Variants in KIAA0319L observed in about 807,000 individuals in gnomAD.
KIAA0319L encodes the protein KIAA0319 like, also known as dyslexia-associated protein KIAA0319-like protein.
In KIAA0319L, 55 loss-of-function variants were observed where a neutral mutation model predicts 120.1. That is an observed-to-expected ratio of 0.46 (90% CI 0.37 to 0.57). The LOEUF is 0.57. Among genes scored for constraint, KIAA0319L ranks in the 20% least tolerant of loss-of-function variants. The pLI is 0.00. For missense variants in KIAA0319L, 1,049 were observed against 1,255.3 expected (o/e 0.84, Z 2.48); for synonymous variants, 398 against 471.9 (o/e 0.84, Z 2.03).
intron 4 of KIAA0319L, among the ~76,000 whole-genome samples, chr1:35,476,495 C>T (rs760727464): frequency 2.0e-5 from 3 of 152,172 alleles, no homozygotes; most frequent in Non-Finnish European, 4.4e-5. Context: ...TTATCCGCCT[C>T]TGCATGGGAA....
At chr1:35,547,219 T>A (rs1385301013) in intron 2 of KIAA0319L, among the ~76,000 whole-genome samples, 1 of 147,542 alleles carries the variant, frequency 6.8e-6, no homozygotes, top group African/African-American at 2.5e-5. Flanking sequence ...TCCATTTATA[T>A]ATAAATTTAT....
chr1:35,546,967 AAT>A (rs1202281319), intron 2 of KIAA0319L, among the ~76,000 whole-genome samples: 1 of 148,508 alleles, frequency 6.7e-6, no homozygotes, highest in African/African-American at 2.4e-5. Flanking sequence ...CCTATATATA[AAT>A]ATATATATAA....
intron 3 of KIAA0319L, among the ~76,000 whole-genome samples, chr1:35,498,989 T>C (rs975031648): frequency 2.6e-5 from 4 of 152,190 alleles, no homozygotes. Context: ...CACATCCCAA[T>C]TCTCAGCAAC....
rs192096276 is a variant in KIAA0319L at position 35,541,433 on chromosome 1, T to A, written c.142+12917A>T. Among the ~76,000 whole-genome samples the A allele has an allele frequency of 2.7e-3, 365 of 133,452 alleles. 2 individuals carry two copies. The highest frequency in any genetic ancestry group is 9.1e-3 in the African/African-American group (324 of 35,518). 87.5% of individuals were successfully genotyped at this position (133,452 alleles called of 152,430 possible). On this transcript the variant is annotated intron_variant, in intron 2 of 20. Coordinates refer to ENST00000325722, the MANE Select transcript of KIAA0319L (RefSeq NM_024874.5). ...GGTGCAATCTCAGCTCACCGCAACC[T>A]CTCCCTCCTGGGTTCAAGTGATTCT...
chr1:35,487,067 TG>T (rs1249497833), intron 3 of KIAA0319L, among the ~76,000 whole-genome samples: 1 of 152,176 alleles, frequency 6.6e-6, no homozygotes, highest in Non-Finnish European at 1.5e-5. Context: ...TTCCTGTTCC[TG>T]TGCATGTCTG....
rs1013196998 is a variant in KIAA0319L at position 35,453,582 on chromosome 1, T to C, written c.1888A>G (p.Ile630Val). The change falls in exon 12 of 21, where the codon ATC becomes GTC. Residue 630 changes from isoleucine (I) to valine (V), a missense_variant. Coordinates refer to ENST00000325722, the MANE Select transcript of KIAA0319L (RefSeq NM_024874.5). This position sits in a 1 kb window ranked among gnomAD's most constrained non-coding sequence, Gnocchi z 4.1. ...TGTGTTTTTTCCCAGAGATATGAGA[T>C]AATTTTCTGATCATCTGAGCTCTTG... Reference protein sequence around the residue: ...GSKSSDDQKIISYLWEKTQGP... With the variant: ...GSKSSDDQKIVSYLWEKTQGP... 3.1e-6 allele frequency: 5 copies of C among 1,614,110 alleles called. No homozygotes were observed. In the East Asian group the frequency reaches 8.9e-5, roughly 29 times the overall value.
chr1:35,487,504 C>T (rs1410298149), intron 3 of KIAA0319L, among the ~76,000 whole-genome samples: 1 of 152,214 alleles, frequency 6.6e-6, no homozygotes, highest in African/African-American at 2.4e-5. Flanking sequence ...ATCCACCTGC[C>T]TTGGCCTCCC....
At chr1:35,500,938 C>T (rs1354339049) in intron 3 of KIAA0319L, among the ~76,000 whole-genome samples, 2 of 151,986 alleles carry the variant, frequency 1.3e-5, no homozygotes, top group East Asian at 1.9e-4. Flanking sequence ...TCACTTTGCC[C>T]CATTTTTTTT....
chr1:35,487,179 A>G (rs930521678), intron 3 of KIAA0319L, among the ~76,000 whole-genome samples: 8 of 152,156 alleles, frequency 5.3e-5, no homozygotes, highest in African/African-American at 1.9e-4. Context: ...CTAGTAGACA[A>G]ATAACCTCCC....
intron 2 of KIAA0319L, among the ~76,000 whole-genome samples, chr1:35,538,590 CAAA>C (rs757522421): frequency 7.2e-4 from 23 of 31,932 alleles, no homozygotes; most frequent in African/African-American, 1.6e-3. Flanking sequence ...AACTCTGTCT[CAAA>C]AAAAAAAAAA....
chr1:35,511,701 GA>G (rs1172920812), intron 2 of KIAA0319L, among the ~76,000 whole-genome samples: 1 of 152,180 alleles, frequency 6.6e-6, no homozygotes, highest in Non-Finnish European at 1.5e-5. Context: ...CCGCTATCTA[GA>G]AGCCTTCTCA....
At chr1:35,487,164 T>C (rs1343718953) in intron 3 of KIAA0319L, among the ~76,000 whole-genome samples, 1 of 151,918 alleles carries the variant, frequency 6.6e-6, no homozygotes, top group African/African-American at 2.4e-5. Context: ...CTGGGGGAGG[T>C]TTTCCTAGTA....
At chr1:35,475,225 C>G (rs774452760) in intron 4 of KIAA0319L, among the ~76,000 whole-genome samples, 7 of 152,160 alleles carry the variant, frequency 4.6e-5, no homozygotes, top group Non-Finnish European at 8.8e-5. Context: ...CCATATTATT[C>G]TATTTTTCCT....
chr1:35,448,611 G>A (rs1641819450), intron 15 of KIAA0319L, among the ~76,000 whole-genome samples: 1 of 152,198 alleles, frequency 6.6e-6, no homozygotes, highest in Non-Finnish European at 1.5e-5. Flanking sequence ...GTAATGACGG[G>A]AGTGGGGAAG....
At chr1:35,449,265 G>A (rs1570635250) in intron 15 of KIAA0319L, among the ~76,000 whole-genome samples, 3 of 152,118 alleles carry the variant, frequency 2.0e-5, no homozygotes, top group Non-Finnish European at 4.4e-5. Flanking sequence ...AATTTATACA[G>A]CTCTATCCCA....
chr1:35,505,805 G>A (rs552300117), intron 3 of KIAA0319L, among the ~76,000 whole-genome samples: 35 of 152,188 alleles, frequency 2.3e-4, no homozygotes, highest in African/African-American at 8.4e-4. Context: ...AGGTAAACAG[G>A]GCTAATAATG....
intron 2 of KIAA0319L, among the ~76,000 whole-genome samples, chr1:35,552,245 C>T (rs748543777): frequency 6.6e-6 from 1 of 151,920 alleles, no homozygotes; most frequent in Non-Finnish European, 1.5e-5. Context: ...GGGAGGCTGA[C>T]GCAGGAGAAT....
intron 2 of KIAA0319L, among the ~76,000 whole-genome samples, chr1:35,513,160 G>A (rs1045074671): frequency 2.7e-5 from 4 of 149,102 alleles, no homozygotes; most frequent in African/African-American, 9.8e-5. Flanking sequence ...ATGTACCTTT[G>A]TTTGATTCAC....
At position 35,454,474 on chromosome 1, in the gene KIAA0319L, T is replaced by C; in HGVS notation, c.1668A>G (p.Thr556=). The part of the protein sequence containing the change: ...GKVVEMQGVR[T]PTLQLSAMQE... ...GCATCGCAGAGAGCTGTAAGGTTGG[T>C]GTTCTAACACCCTACAAATACAAAT... Residue 556 remains threonine, a synonymous_variant, in exon 11 of 21, where the codon ACA becomes ACG. Transcript: ENST00000325722. 6.2e-7 allele frequency: 1 copy of C among 1,614,154 alleles called. No individual in the cohort carries two copies. Among genetic ancestry groups the C allele is most frequent in the East Asian group, 2.2e-5 (1 of 44,890 alleles).
Sources: allele counts gnomAD v4.1 joint callset (sites outside exome capture counted in the v4.1 genomes callset), GRCh38; gene constraint gnomAD v4.1.1; non-coding constraint Gnocchi (gnomAD v3.1); transcripts MANE v1.5; gene names NCBI Gene and HGNC (gene_info 2026-07-23, HGNC 2026-07-21).